ZNF385B: variants seen among roughly 807,000 people sequenced by gnomAD.
The protein encoded by ZNF385B is zinc finger protein 533.
A neutral mutation model predicts 39.2 loss-of-function variants in ZNF385B; 23 were observed. The ratio of observed to expected loss-of-function variants is 0.59; its 90% CI spans 0.42 to 0.83. ZNF385B has a LOEUF of 0.83. Ranked by LOEUF, ZNF385B falls within the 40% of genes least tolerant of loss-of-function variation. The pLI is 0.00. For synonymous variants in ZNF385B, 205 were observed against 222.6 expected (o/e 0.92, Z 0.70); for missense variants, 552 against 598.9 (o/e 0.92, Z 0.82).
Position 179,631,588 on chromosome 2 carries a change from T to C in ZNF385B, c.299-86619A>G, listed in dbSNP as rs62176327. On this transcript the variant is annotated intron_variant, in intron 3 of 9. Transcript: ENST00000410066. ...AACATGCCAAATTGTAAAGACCCAT[T>C]GATGCTATGAAGAAACTGCATCAAC... 5.5e-3 allele frequency among the ~76,000 whole-genome samples: 836 copies of C among 152,230 alleles called. 5 individuals are homozygous for C. The highest frequency in any genetic ancestry group is 7.8e-3 in the Non-Finnish European group (527 of 67,996).
At chr2:179,668,096 G>A (rs1370826228) in intron 3 of ZNF385B, among the ~76,000 whole-genome samples, 1 of 152,106 alleles carries the variant, frequency 6.6e-6, no homozygotes, top group Non-Finnish European at 1.5e-5. Flanking sequence ...AGTCTCTGAA[G>A]GATCATCCTA....
rs190070653 is a variant in ZNF385B, at chr2:179,820,199, T to A, written c.-155+40902A>T. ...ATTTTCTATAATACCTACTTAAAAATCTCTTTTCCAGTTTACTATGTACCT... is the reference window on the plus strand; with the variant it reads ...ATTTTCTATAATACCTACTTAAAAAACTCTTTTCCAGTTTACTATGTACCT... On this transcript the variant is annotated intron_variant, in intron 1 of 9. Coordinates refer to ENST00000410066, the MANE Select transcript of ZNF385B (RefSeq NM_152520.6). 4.2e-3 allele frequency among the ~76,000 whole-genome samples: 641 copies of A among 152,232 alleles called. 3 individuals carry two copies. Among genetic ancestry groups the A allele is most frequent in the Middle Eastern group, 0.017 (5 of 290 alleles).
rs1559260794 is a variant in ZNF385B at position 179,861,379 on chromosome 2, C to CGGG, written c.-434_-433insCCC. On this transcript the variant is annotated 5_prime_UTR_variant, in exon 1 of 10. Transcript: ENST00000410066. ...CGGCCGCTGCCCCCGCGCTGAGCGC[C>CGGG]TGCGCACCGGGCCTCGCCCAGGTGA... 6.7e-6 allele frequency: 1 copy of CGGG among 150,170 alleles called. No individual in the cohort carries two copies. The allele number at this position is 150,170 out of a possible 1,614,324, so 9.3% of individuals were successfully genotyped here.
intron 1 of ZNF385B, among the ~76,000 whole-genome samples, chr2:179,836,531 A>T (rs1348598295): frequency 3.4e-4 from 14 of 41,518 alleles, no homozygotes; most frequent in African/African-American, 1.4e-3. Flanking sequence ...TTTTTTTTTG[A>T]GACGGAGTCT....
At chr2:179,673,550 G>A (rs141838793) in intron 3 of ZNF385B, among the ~76,000 whole-genome samples, 236 of 152,306 alleles carry the variant, frequency 1.5e-3, no homozygotes, top group African/African-American at 5.4e-3. Flanking sequence ...AATTATGGCA[G>A]TTTTCAAACA....
At chr2:179,615,807 AGATG>A (rs1053746193) in intron 3 of ZNF385B, among the ~76,000 whole-genome samples, 1 of 152,242 alleles carries the variant, frequency 6.6e-6, no homozygotes, top group Non-Finnish European at 1.5e-5. Flanking sequence ...AGGGCACCTT[AGATG>A]GTTCTGAGGC....
chr2:179,829,084 T>C (rs1707833299), intron 1 of ZNF385B, among the ~76,000 whole-genome samples: 1 of 151,762 alleles, frequency 6.6e-6, no homozygotes, highest in Non-Finnish European at 1.5e-5. Flanking sequence ...GTACCAAACA[T>C]TTTAATTAAG....
At chr2:179,528,135 C>A (rs966334622) in intron 4 of ZNF385B, among the ~76,000 whole-genome samples, 2 of 152,126 alleles carry the variant, frequency 1.3e-5, no homozygotes, top group Admixed American at 1.3e-4. Flanking sequence ...AGAATCCAGA[C>A]TCATACAAGT....
chr2:179,523,497 C>T (rs986802287), intron 4 of ZNF385B, among the ~76,000 whole-genome samples: 47 of 151,886 alleles, frequency 3.1e-4, no homozygotes, highest in Admixed American at 2.9e-3. Context: ...CAGCACTTCA[C>T]TAAAGGTAGG....
chr2:179,563,839 C>A (rs1684227324), intron 3 of ZNF385B, among the ~76,000 whole-genome samples: 1 of 152,088 alleles, frequency 6.6e-6, no homozygotes, highest in Non-Finnish European at 1.5e-5. Flanking sequence ...CCCTAAGAAA[C>A]CTCTGCTCTG....
intron 3 of ZNF385B, among the ~76,000 whole-genome samples, chr2:179,571,356 A>G (rs1296719058): frequency 6.6e-6 from 1 of 152,196 alleles, no homozygotes; most frequent in Non-Finnish European, 1.5e-5. Context: ...CAGCACTGTG[A>G]TCTATTGAGC....
intron 6 of ZNF385B, among the ~76,000 whole-genome samples, chr2:179,471,005 T>C (rs2052710524): frequency 6.6e-6 from 1 of 152,190 alleles, no homozygotes; most frequent in Admixed American, 6.5e-5. Flanking sequence ...TTGGAGTTCA[T>C]GTCATACATA....
chr2:179,600,339 A>T (rs1022810132), intron 3 of ZNF385B, among the ~76,000 whole-genome samples: 1 of 152,230 alleles, frequency 6.6e-6, no homozygotes, highest in Non-Finnish European at 1.5e-5. Context: ...TTAAAATATC[A>T]TTTTGATATG....
chr2:179,716,454 A>G (rs778468337), intron 3 of ZNF385B, among the ~76,000 whole-genome samples: 4 of 152,148 alleles, frequency 2.6e-5, no homozygotes, highest in Non-Finnish European at 5.9e-5. Flanking sequence ...TCTTGGGAAA[A>G]TGCTTTAGAG....
At chr2:179,774,739 A>G (rs1336019301) in intron 1 of ZNF385B, among the ~76,000 whole-genome samples, 2 of 152,260 alleles carry the variant, frequency 1.3e-5, no homozygotes, top group African/African-American at 4.8e-5. Flanking sequence ...GAATGGTAAT[A>G]ACGGTGTGCT....
At chr2:179,743,115 T>C (rs1319447125) in intron 3 of ZNF385B, among the ~76,000 whole-genome samples, 1 of 152,110 alleles carries the variant, frequency 6.6e-6, no homozygotes, top group African/African-American at 2.4e-5. Context: ...TTTCATTTAT[T>C]AAACATGTTA....
chr2:179,799,015 G>A (rs1705861895), intron 1 of ZNF385B, among the ~76,000 whole-genome samples: 2 of 151,748 alleles, frequency 1.3e-5, no homozygotes, highest in African/African-American at 4.8e-5. Flanking sequence ...TTAGATATTT[G>A]ATTTTAACCT....
At chr2:179,506,482 T>C (rs1013189579) in intron 5 of ZNF385B, among the ~76,000 whole-genome samples, 1 of 152,154 alleles carries the variant, frequency 6.6e-6, no homozygotes, top group Non-Finnish European at 1.5e-5. Flanking sequence ...TAAAATGTAA[T>C]ATCAGTGGTA....
chr2:179,722,375 T>G (rs1436291924), intron 3 of ZNF385B, among the ~76,000 whole-genome samples: 2 of 152,092 alleles, frequency 1.3e-5, no homozygotes, highest in African/African-American at 2.4e-5. Flanking sequence ...TATTAACATA[T>G]TATGACATTG....
Sources: allele counts gnomAD v4.1 joint callset (sites outside exome capture counted in the v4.1 genomes callset), GRCh38; gene constraint gnomAD v4.1.1; transcripts MANE v1.5; gene names NCBI Gene and HGNC (gene_info 2026-07-23, HGNC 2026-07-21).